AMOTL1: variants seen among roughly 807,000 people sequenced by gnomAD.
AMOTL1 encodes angiomotin-like protein 1.
In AMOTL1, 45 loss-of-function variants were observed where a neutral mutation model predicts 102.9. The observed-to-expected ratio is 0.44, with a 90% CI of 0.34 to 0.56. The LOEUF is 0.56. Among genes scored for constraint, AMOTL1 ranks in the 20% least tolerant of loss-of-function variants. AMOTL1 has a pLI of 0.01. For missense variants in AMOTL1, 1,114 were observed against 1,225.6 expected (o/e 0.91, Z 1.36); for synonymous variants, 481 against 484.7 (o/e 0.99, Z 0.10).
In AMOTL1 at chr11:94,873,966, C is replaced by T. The variant is rs768626674; in HGVS notation, c.*3171C>T. On this transcript the variant is annotated 3_prime_UTR_variant, in exon 13 of 13. Coordinates refer to ENST00000433060, the MANE Select transcript of AMOTL1 (RefSeq NM_130847.3). ...AAATATTTCTGCACTTCCCAGAGACCTGGACTTCAAACTTTCCCAGTGGAG... is the reference window on the plus strand; with the variant it reads ...AAATATTTCTGCACTTCCCAGAGACTTGGACTTCAAACTTTCCCAGTGGAG... 6 of 152,198 alleles carry T rather than the reference C, an allele frequency of 3.9e-5. No homozygotes were observed. Among genetic ancestry groups the T allele is most frequent in the Non-Finnish European group, 8.8e-5 (6 of 68,052 alleles). 9.4% of individuals were successfully genotyped at this position (152,198 alleles called of 1,614,324 possible).
intron 3 of AMOTL1, among the ~76,000 whole-genome samples, chr11:94,817,897 A>G (rs1951793754): frequency 6.6e-6 from 1 of 152,138 alleles, no homozygotes; most frequent in Non-Finnish European, 1.5e-5. Flanking sequence ...CTTTGTTTGG[A>G]ATGTTGCTAA....
intron 1 of AMOTL1, among the ~76,000 whole-genome samples, chr11:94,728,473 C>A (rs1591900984): frequency 6.6e-6 from 1 of 152,082 alleles, no homozygotes; most frequent in African/African-American, 2.4e-5. Flanking sequence ...GTTGAAAATG[C>A]AGAAAATTAC....
rs1952888360 is a variant in AMOTL1, at chr11:94,866,581, G to A, written c.2488+413G>A. On this transcript the variant is annotated intron_variant, in intron 11 of 12. Coordinates refer to ENST00000433060, the MANE Select transcript of AMOTL1 (RefSeq NM_130847.3). ...GTCTGCCTGCTTTACCCCATGGGGA[G>A]TGGGAGGGAATAATGGGATAATGGG... The A allele has an allele frequency of 1.9e-5, 4 of 209,066 alleles. No individual in the cohort carries two copies. In the South Asian group the frequency reaches 3.4e-4, roughly 18 times the overall value. The allele number at this position is 209,066 out of a possible 1,614,324, so 13.0% of individuals were successfully genotyped here. A position where few individuals can be genotyped will look rare whatever the true frequency, so the allele number is the denominator to read the frequency against.
intron 1 of AMOTL1, among the ~76,000 whole-genome samples, chr11:94,769,555 C>T (rs989715972): frequency 6.6e-6 from 1 of 152,244 alleles, no homozygotes; most frequent in African/African-American, 2.4e-5. Flanking sequence ...CCTATCTTTA[C>T]TGATGACTAG....
intron 11 of AMOTL1, 124 bp downstream of exon 11, chr11:94,866,292 G>C: frequency 1.0e-6 from 1 of 955,300 alleles, no homozygotes; most frequent in East Asian, 2.6e-5. Context: ...TCTGTGAAGT[G>C]GGGAGGGAAA....
At chr11:94,774,682 A>G (rs977319334) in intron 1 of AMOTL1, among the ~76,000 whole-genome samples, 63 of 152,312 alleles carry the variant, frequency 4.1e-4, no homozygotes, top group African/African-American at 1.5e-3. Flanking sequence ...TTGATTGAGG[A>G]TAGGGCCTAA....
At chr11:94,830,501 G>A (rs2135660988) in intron 5 of AMOTL1, among the ~76,000 whole-genome samples, 1 of 152,330 alleles carries the variant, frequency 6.6e-6, no homozygotes, top group South Asian at 2.1e-4. Flanking sequence ...CACGATTCAT[G>A]GCTATGAGAA....
intron 1 of AMOTL1, among the ~76,000 whole-genome samples, chr11:94,792,285 A>C (rs908472514): frequency 6.6e-6 from 1 of 152,196 alleles, no homozygotes; most frequent in South Asian, 2.1e-4. Flanking sequence ...ACACTTGGAC[A>C]CAGGATGGGG....
At chr11:94,749,722 G>A (rs776726519) in intron 3 of AMOTL1, among the ~76,000 whole-genome samples, 1 of 152,174 alleles carries the variant, frequency 6.6e-6, no homozygotes, top group Non-Finnish European at 1.5e-5. Flanking sequence ...GATAATAATA[G>A]TACTGACCGC....
intron 1 of AMOTL1, among the ~76,000 whole-genome samples, chr11:94,785,913 T>G (rs1951180271): frequency 1.3e-5 from 2 of 152,230 alleles, no homozygotes; most frequent in South Asian, 4.1e-4. Flanking sequence ...CTGTCTGCAT[T>G]GAGTATTACA....
Position 94,744,330 on chromosome 11 carries a change from T to C in AMOTL1, c.136+3342T>C, listed in dbSNP as rs181478842. On this transcript the variant is annotated intron_variant, in intron 3 of 4. Transcript: ENST00000299004. Reference sequence around the variant, plus strand: ...ATAAATGAACAGCTGGATGAGGAGATGCAAAAGGTGAAGTCTGGAAGGGTC... The same window carrying C: ...ATAAATGAACAGCTGGATGAGGAGACGCAAAAGGTGAAGTCTGGAAGGGTC... 1.2e-3 allele frequency among the ~76,000 whole-genome samples: 189 copies of C among 152,336 alleles called. 2 individuals carry two copies. The highest frequency in any genetic ancestry group is 4.2e-3 in the African/African-American group (175 of 41,580).
At chr11:94,755,914 G>A (rs1950718279) in intron 3 of AMOTL1, among the ~76,000 whole-genome samples, 3 of 152,188 alleles carry the variant, frequency 2.0e-5, no homozygotes, top group African/African-American at 7.2e-5. Context: ...TGTATCCTGA[G>A]TTCTTGCCCT....
At chr11:94,723,040 A>G (rs1370424466) in intron 1 of AMOTL1, among the ~76,000 whole-genome samples, 1 of 152,108 alleles carries the variant, frequency 6.6e-6, no homozygotes, top group Non-Finnish European at 1.5e-5. Context: ...ATCTTTTGTT[A>G]TGATTTCCGA....
intron 5 of AMOTL1, 66 bp from the exon 6 acceptor site, chr11:94,831,386 T>C: frequency 7.5e-7 from 1 of 1,342,176 alleles, no homozygotes; most frequent in South Asian, 1.3e-5. Flanking sequence ...CATATTTCAT[T>C]TCTTGGTTAG....
chr11:94,707,483 A>T lies in AMOTL1; in HGVS notation c.-51+886A>T, dbSNP rs560298516. Among the ~76,000 whole-genome samples, 3 of 152,270 alleles carry T rather than the reference A, an allele frequency of 2.0e-5. No homozygotes were observed. The South Asian group carries it at 6.2e-4, about 32-fold the overall frequency. Reference sequence around the variant, plus strand: ...AAGAAAGTTGAACCACTGTCAAATGAAAATGTTGAGAATTGCAGAGCCCTT... The same window carrying T: ...AAGAAAGTTGAACCACTGTCAAATGTAAATGTTGAGAATTGCAGAGCCCTT... On this transcript the variant is annotated intron_variant, in intron 1 of 4. Coordinates refer to the AMOTL1 transcript ENST00000299004.
chr11:94,708,603 C>A (rs1949969832), intron 1 of AMOTL1, among the ~76,000 whole-genome samples: 1 of 152,106 alleles, frequency 6.6e-6, no homozygotes, highest in Non-Finnish European at 1.5e-5. Flanking sequence ...AATTTTAGTA[C>A]CGCTCCTTCT....
At chr11:94,756,384 A>T (rs1377795004) in intron 3 of AMOTL1, among the ~76,000 whole-genome samples, 3 of 152,230 alleles carry the variant, frequency 2.0e-5, no homozygotes, top group Non-Finnish European at 4.4e-5. Context: ...CTGTATCATT[A>T]TTATGACCCA....
rs1234351522 is a variant in AMOTL1, at chr11:94,862,189, GACTACCCCTTCTGGGT to G, written c.2135+2475_2135+2490del. Among the ~76,000 whole-genome samples, 9 of 152,234 alleles carry G rather than the reference GACTACCCCTTCTGGGT, an allele frequency of 5.9e-5. No individual in the cohort carries two copies. The East Asian group carries it at 1.7e-3, about 29-fold the overall frequency. Reference sequence around the variant, plus strand: ...GTGAGCAACTACCCTCCCCATTACAGACTACCCCTTCTGGGTGGGGGAATAGGTTCAGAGAACCTCA... The same window carrying G: ...GTGAGCAACTACCCTCCCCATTACAGGGGGGAATAGGTTCAGAGAACCTCA... On this transcript the variant is annotated intron_variant, in intron 9 of 12. Transcript: ENST00000433060.
chr11:94,831,624 G>T, intron 6 of AMOTL1, 83 bp downstream of exon 6: 1 of 1,237,550 alleles, frequency 8.1e-7, no homozygotes, highest in Non-Finnish European at 1.2e-6. Flanking sequence ...AGTTTCAAGT[G>T]GGTTTTGTGC....
Sources: allele counts gnomAD v4.1 joint callset (sites outside exome capture counted in the v4.1 genomes callset), GRCh38; gene constraint gnomAD v4.1.1; transcripts MANE v1.5; gene names NCBI Gene and HGNC (gene_info 2026-07-23, HGNC 2026-07-21).